PRR5L: variants seen among roughly 807,000 people sequenced by gnomAD.
PRR5L encodes the protein proline rich 5 like.
In PRR5L, 21 loss-of-function variants were observed where a neutral mutation model predicts 36.4. The ratio of observed to expected loss-of-function variants is 0.58; its 90% CI spans 0.41 to 0.83. PRR5L has a LOEUF of 0.83. Among genes scored for constraint, PRR5L ranks in the 40% least tolerant of loss-of-function variants. The pLI, the probability that PRR5L is intolerant of heterozygous loss-of-function variation, is 0.00. For synonymous variants in PRR5L, 188 were observed against 197.0 expected (o/e 0.95, Z 0.38); for missense variants, 381 against 473.3 (o/e 0.80, Z 1.81).
rs1237246901 is a variant in PRR5L, at chr11:36,318,100, C to T, written c.-126+21662C>T. On this transcript the variant is annotated intron_variant, in intron 1 of 8. Transcript: ENST00000530639. ...ATATTTACCATTGTGTTACAATTGCCTACAGTAGTCAGTAGAGTAATACGC... is the reference window on the plus strand; with the variant it reads ...ATATTTACCATTGTGTTACAATTGCTTACAGTAGTCAGTAGAGTAATACGC... 2.0e-5 allele frequency among the ~76,000 whole-genome samples: 3 copies of T among 152,248 alleles called. No individual in the cohort carries two copies. The East Asian group carries it at 5.8e-4, about 29-fold the overall frequency.
At chr11:36,304,790 C>G (rs1338660414) in intron 1 of PRR5L, among the ~76,000 whole-genome samples, 4 of 152,156 alleles carry the variant, frequency 2.6e-5, no homozygotes, top group Non-Finnish European at 4.4e-5. Context: ...TAATCTCCCT[C>G]TAGCCATCAG....
At chr11:36,323,694 A>C (rs1393804553) in intron 1 of PRR5L, among the ~76,000 whole-genome samples, 1 of 152,226 alleles carries the variant, frequency 6.6e-6, no homozygotes, top group Non-Finnish European at 1.5e-5. Flanking sequence ...ATTTTGAATC[A>C]TTAGCTATAA....
chr11:36,413,553 C>T (rs1313996680), intron 3 of PRR5L, among the ~76,000 whole-genome samples: 9 of 151,814 alleles, frequency 5.9e-5, no homozygotes, highest in African/African-American at 9.7e-5. Context: ...ATCCCAGAAA[C>T]CAGTTTTCCA....
chr11:36,329,272 C>T (rs1350055166), intron 1 of PRR5L: 1 of 152,056 alleles, frequency 6.6e-6, no homozygotes, highest in Non-Finnish European at 1.5e-5. Context: ...TCTCACTGGA[C>T]CAAACTGTTG....
intron 1 of PRR5L, among the ~76,000 whole-genome samples, chr11:36,399,497 C>A (rs1857743911): frequency 6.6e-6 from 1 of 152,212 alleles, no homozygotes; most frequent in Admixed American, 6.5e-5. Context: ...GGAGGTGAGA[C>A]TTCGGTTCCT....
chr11:36,311,746 G>A (rs1468615840), intron 1 of PRR5L, among the ~76,000 whole-genome samples: 1 of 152,120 alleles, frequency 6.6e-6, no homozygotes, highest in Non-Finnish European at 1.5e-5. Context: ...TTTAGTGGTG[G>A]ATAGCGTTGG....
chr11:36,424,696 G>C (rs1590572776), intron 4 of PRR5L, among the ~76,000 whole-genome samples: 1 of 152,216 alleles, frequency 6.6e-6, no homozygotes, highest in East Asian at 1.9e-4. Flanking sequence ...GTACATGCTG[G>C]GCATTGTTGT....
chr11:36,316,564 C>A (rs904845007), intron 1 of PRR5L, among the ~76,000 whole-genome samples: 7 of 152,032 alleles, frequency 4.6e-5, no homozygotes, highest in African/African-American at 1.7e-4. Flanking sequence ...ATGAGGTTTT[C>A]TTGCTGTCTT....
At chr11:36,327,460 G>C (rs753028256) in intron 1 of PRR5L, among the ~76,000 whole-genome samples, 33 of 152,090 alleles carry the variant, frequency 2.2e-4, no homozygotes, top group Non-Finnish European at 4.0e-4. Context: ...CATGACAGCA[G>C]GCCCTGAAAG....
At chr11:36,354,893 A>C (rs1384759925) in intron 1 of PRR5L, among the ~76,000 whole-genome samples, 1 of 152,236 alleles carries the variant, frequency 6.6e-6, no homozygotes, top group Non-Finnish European at 1.5e-5. Flanking sequence ...AATCTGGAAT[A>C]TGTGGCTAGA....
At chr11:36,306,885 A>AG (rs1813185236) in intron 1 of PRR5L, among the ~76,000 whole-genome samples, 1 of 152,022 alleles carries the variant, frequency 6.6e-6, no homozygotes, top group South Asian at 2.1e-4. Context: ...GCTAAAAAAA[A>AG]GAACATGTAA....
intron 1 of PRR5L, among the ~76,000 whole-genome samples, chr11:36,354,764 G>A (rs1330778981): frequency 2.0e-5 from 3 of 152,160 alleles, no homozygotes; most frequent in African/African-American, 7.2e-5. Flanking sequence ...CTTTGTGATT[G>A]TGATTATTAT....
At chr11:36,414,252 T>A (rs1858091974) in intron 3 of PRR5L, among the ~76,000 whole-genome samples, 1 of 151,146 alleles carries the variant, frequency 6.6e-6, no homozygotes, top group Non-Finnish European at 1.5e-5. Flanking sequence ...CTGGGTCAAA[T>A]GGTATTTCTA....
intron 1 of PRR5L, among the ~76,000 whole-genome samples, chr11:36,379,045 A>G (rs1456532068): frequency 6.6e-6 from 1 of 152,214 alleles, no homozygotes; most frequent in Non-Finnish European, 1.5e-5. Context: ...GAATGTTACA[A>G]ATTGGCTCAG....
intron 1 of PRR5L, among the ~76,000 whole-genome samples, chr11:36,313,823 C>T (rs894393083): frequency 2.5e-4 from 38 of 152,184 alleles, no homozygotes; most frequent in Non-Finnish European, 2.6e-4. Context: ...GGTTAGAAGG[C>T]ACTGCAATTA....
chr11:36,308,405 A>C (rs2133452977), intron 1 of PRR5L, among the ~76,000 whole-genome samples: 1 of 152,328 alleles, frequency 6.6e-6, no homozygotes, highest in African/African-American at 2.4e-5. Context: ...GAAGTGAAGT[A>C]GTTGATTTTT....
chr11:36,406,062 A>G (rs941861096), intron 3 of PRR5L, among the ~76,000 whole-genome samples: 4 of 151,704 alleles, frequency 2.6e-5, no homozygotes, highest in African/African-American at 9.7e-5. Context: ...TCAGAAAGAG[A>G]GGTCTTATGT....
At chr11:36,374,241 C>T (rs1857230431) in intron 1 of PRR5L, among the ~76,000 whole-genome samples, 1 of 151,944 alleles carries the variant, frequency 6.6e-6, no homozygotes, top group Admixed American at 6.6e-5. Flanking sequence ...ATTACAGGCA[C>T]CCGCCACCAT....
chr11:36,455,630 G>A (rs1349372504), intron 8 of PRR5L, among the ~76,000 whole-genome samples: 1 of 152,220 alleles, frequency 6.6e-6, no homozygotes, highest in African/African-American at 2.4e-5. Flanking sequence ...AGGGTAATCA[G>A]TCCCTTAGTG....
Sources: allele counts gnomAD v4.1 joint callset (sites outside exome capture counted in the v4.1 genomes callset), GRCh38; gene constraint gnomAD v4.1.1; transcripts MANE v1.5; gene names NCBI Gene and HGNC (gene_info 2026-07-23, HGNC 2026-07-21).